The following ERBB4 variants were observed in gnomAD, a reference collection of about 807,000 sequenced individuals.
The protein encoded by ERBB4 is erb-b2 receptor tyrosine kinase 4, also known as receptor tyrosine-protein kinase erbB-4.
In ERBB4, 42 loss-of-function variants were observed where a neutral mutation model predicts 158.0. The observed-to-expected ratio is 0.27, with a 90% CI of 0.21 to 0.34. The LOEUF (loss-of-function observed/expected upper bound fraction) is 0.34, where lower values mean the gene tolerates loss of function less well. Among genes scored for constraint, ERBB4 ranks in the 10% least tolerant of loss-of-function variants. The pLI, the probability that ERBB4 is intolerant of heterozygous loss-of-function variation, is 1.00. For synonymous variants in ERBB4, 583 were observed against 558.7 expected (o/e 1.04, Z -0.61); for missense variants, 1,333 against 1,624.1 (o/e 0.82, Z 3.08).
intron 1 of ERBB4, among the ~76,000 whole-genome samples, chr2:212,430,174 C>G (rs2091995818): frequency 1.3e-5 from 2 of 152,218 alleles, no homozygotes; most frequent in East Asian, 3.9e-4. Flanking sequence ...TGTTTTTCCT[C>G]TTATACTTGT....
At chr2:212,448,746 T>C (rs1449598198) in intron 1 of ERBB4, among the ~76,000 whole-genome samples, 1 of 152,020 alleles carries the variant, frequency 6.6e-6, no homozygotes, top group Non-Finnish European at 1.5e-5. Context: ...AAGCAGTTAC[T>C]AAAAAAAACT....
At chr2:211,799,203 C>A (rs2076445723) in intron 3 of ERBB4, among the ~76,000 whole-genome samples, 1 of 152,102 alleles carries the variant, frequency 6.6e-6, no homozygotes, top group African/African-American at 2.4e-5. Flanking sequence ...AATTCAAAAA[C>A]ACAATATTCT....
intron 2 of ERBB4, among the ~76,000 whole-genome samples, chr2:212,111,249 G>C (rs951450437): frequency 3.3e-5 from 5 of 152,266 alleles, no homozygotes; most frequent in Admixed American, 3.3e-4. Context: ...TCCTTATAAT[G>C]ATTATTGAAT....
At chr2:211,742,128 C>T (rs1269443148) in intron 5 of ERBB4, among the ~76,000 whole-genome samples, 2 of 152,158 alleles carry the variant, frequency 1.3e-5, no homozygotes, top group African/African-American at 4.8e-5. Context: ...TACAAAGACT[C>T]GCTGTTATCC....
intron 12 of ERBB4, among the ~76,000 whole-genome samples, chr2:211,699,306 C>T (rs965309889): frequency 1.4e-4 from 21 of 146,722 alleles, no homozygotes; most frequent in African/African-American, 4.2e-4. Flanking sequence ...TGAACATGTG[C>T]GTATGCTCAT....
intron 15 of ERBB4, among the ~76,000 whole-genome samples, chr2:211,662,038 C>CAAAAAAAAAAAAAAAAAAAAAAAAAA: frequency 2.5e-5 from 1 of 39,692 alleles, no homozygotes; most frequent in Non-Finnish European, 4.5e-5. Flanking sequence ...GACTCCGTCT[C>CAAAAAAAAAAAAAAAAAAAAAAAAAA]AAAAAAAAAA....
At chr2:211,566,242 C>A (rs1418838756) in intron 19 of ERBB4, among the ~76,000 whole-genome samples, 1 of 151,966 alleles carries the variant, frequency 6.6e-6, no homozygotes, top group South Asian at 2.1e-4. Context: ...TATCAGTCAG[C>A]GGTAACAGGA....
At chr2:211,401,375 T>A (rs755144064) in intron 25 of ERBB4, among the ~76,000 whole-genome samples, 2 of 152,064 alleles carry the variant, frequency 1.3e-5, no homozygotes, top group African/African-American at 2.4e-5. Context: ...TAGGTTGGCA[T>A]TGATTTTTTT....
chr2:212,277,500 C>A (rs2085585813), intron 1 of ERBB4, among the ~76,000 whole-genome samples: 1 of 151,590 alleles, frequency 6.6e-6, no homozygotes. Flanking sequence ...ATTTCAAGGG[C>A]CTAGTGTAGA....
chr2:212,082,366 C>A lies in ERBB4; in HGVS notation c.234+42386G>T, dbSNP rs373999340. Among the ~76,000 whole-genome samples, 43 of 151,972 alleles carry A rather than the reference C, an allele frequency of 2.8e-4. 1 individual carries two copies. The South Asian group carries it at 8.9e-3, about 32-fold the overall frequency. ...AGGAGATTTTTATTTGCTTGTTAAA[C>A]ATAGCAATATTGTTCAAATGATGTT... is the stretch of plus-strand genomic sequence containing the variant. On this transcript the variant is annotated intron_variant, in intron 2 of 27. Transcript: ENST00000342788.
At chr2:212,338,754 G>T (rs2088565983) in intron 1 of ERBB4, among the ~76,000 whole-genome samples, 1 of 152,040 alleles carries the variant, frequency 6.6e-6, no homozygotes, top group Admixed American at 6.6e-5. Flanking sequence ...AGAAAATTCA[G>T]AGAAATAACT....
In ERBB4 at chr2:212,027,045, T is replaced by A. The variant is rs565359065; in HGVS notation, c.235-79429A>T. Among the ~76,000 whole-genome samples the A allele has an allele frequency of 9.9e-5, 15 of 152,042 alleles. 1 individual carries two copies. The highest frequency in any genetic ancestry group is 3.6e-4 in the African/African-American group (15 of 41,544). On this transcript the variant is annotated intron_variant, in intron 2 of 27. Coordinates refer to ENST00000342788, the MANE Select transcript of ERBB4 (RefSeq NM_005235.3). ...TATTTGCAAATTGCTCCATCATACATCAACATCTCATTCAAGTCACATCAA... is the reference window on the plus strand; with the variant it reads ...TATTTGCAAATTGCTCCATCATACAACAACATCTCATTCAAGTCACATCAA...
chr2:211,460,352 C>G (rs1235994612), intron 20 of ERBB4, among the ~76,000 whole-genome samples: 1 of 152,040 alleles, frequency 6.6e-6, no homozygotes, highest in Admixed American at 6.6e-5. Flanking sequence ...ACACATGAAG[C>G]CTTGCATGTA....
chr2:212,312,434 A>G (rs1574656459), intron 1 of ERBB4, among the ~76,000 whole-genome samples: 1 of 151,006 alleles, frequency 6.6e-6, no homozygotes, highest in Non-Finnish European at 1.5e-5. Context: ...CAATTAGATT[A>G]TACATTCTAA....
intron 2 of ERBB4, among the ~76,000 whole-genome samples, chr2:211,975,278 G>C (rs984139106): frequency 1.3e-5 from 2 of 152,146 alleles, no homozygotes; most frequent in African/African-American, 4.8e-5. Flanking sequence ...CACCACCGTG[G>C]CTCCCCCACG....
chr2:211,902,530 T>G (rs967114114), intron 3 of ERBB4, among the ~76,000 whole-genome samples: 1 of 151,956 alleles, frequency 6.6e-6, no homozygotes, highest in Non-Finnish European at 1.5e-5. Flanking sequence ...ATCTTTTCTA[T>G]GTATATGTAA....
At chr2:211,566,418 A>G (rs1472192002) in intron 19 of ERBB4, among the ~76,000 whole-genome samples, 2 of 152,202 alleles carry the variant, frequency 1.3e-5, no homozygotes, top group African/African-American at 4.8e-5. Flanking sequence ...TTGGGGGGCC[A>G]GGGTTTTGCA....
At chr2:212,136,803 A>T (rs1205745418) in intron 1 of ERBB4, among the ~76,000 whole-genome samples, 1 of 152,172 alleles carries the variant, frequency 6.6e-6, no homozygotes, top group Admixed American at 6.5e-5. Flanking sequence ...TGGGGTGAGA[A>T]GAAGGGGTGT....
At chr2:211,592,750 G>A (rs1434062235) in intron 19 of ERBB4, among the ~76,000 whole-genome samples, 3 of 152,106 alleles carry the variant, frequency 2.0e-5, no homozygotes, top group East Asian at 1.9e-4. Flanking sequence ...GGTGGCTGAC[G>A]CCTGTAATCC....
Sources: allele counts gnomAD v4.1 joint callset (sites outside exome capture counted in the v4.1 genomes callset), GRCh38; gene constraint gnomAD v4.1.1; transcripts MANE v1.5; gene names NCBI Gene and HGNC (gene_info 2026-07-23, HGNC 2026-07-21).